CCN1: variants seen among roughly 807,000 people sequenced by gnomAD.
CCN1 encodes the protein cellular communication network factor 1.
CCN1 carries 12 observed loss-of-function variants against 38.1 expected under a neutral mutation model. The ratio of observed to expected loss-of-function variants is 0.31; its 90% confidence interval spans 0.20 to 0.51. The LOEUF (loss-of-function observed/expected upper bound fraction) is 0.51, where lower values mean the gene tolerates loss of function less well. Ranked by LOEUF, CCN1 falls within the 20% of genes least tolerant of loss-of-function variation. The pLI is 0.97. For missense variants in CCN1, 466 were observed against 490.9 expected (o/e 0.95, Z 0.48); for synonymous variants, 202 against 196.1 (o/e 1.03, Z -0.25).
chr1:85,581,874 T>C, intron 2 of CCN1, 54 bp from the exon 3 acceptor site: 1 of 1,546,438 alleles, frequency 6.5e-7, no homozygotes. Context: ...CAGGCGGTGG[T>C]TTGGAATCTT....
chr1:85,582,177 A>G lies in CCN1; in HGVS notation c.527A>G (p.Asp176Gly). 6.2e-7 allele frequency: 1 copy of G among 1,614,118 alleles called. No homozygotes were observed. Residue 176 changes from aspartate (D) to glycine (G), a missense_variant, in exon 3 of 5, where the codon GAC becomes GGC. Transcript: ENST00000451137. Reference sequence around the variant, plus strand: ...ATCAAGGACCCCATGGAGGACCAGGACGGCCTCCTTGGCAAGGAGCTGGGA... The same window carrying G: ...ATCAAGGACCCCATGGAGGACCAGGGCGGCCTCCTTGGCAAGGAGCTGGGA... ...DSIKDPMEDQ[D>G]GLLGKELGFD...
chr1:85,581,655 A>G, intron 2 of CCN1, 77 bp downstream of exon 2: 1 of 1,484,664 alleles, frequency 6.7e-7, no homozygotes, highest in Non-Finnish European at 9.2e-7. Flanking sequence ...TTCTGAGACC[A>G]TGTATGGTGA....
At position 85,580,961 on chromosome 1, in the gene CCN1, C is replaced by T. The variant is rs768256947; in HGVS notation, c.-24C>T. 1.9e-6 allele frequency: 3 copies of T among 1,575,728 alleles called. No individual in the cohort carries two copies. Among genetic ancestry groups the T allele is most frequent in the East Asian group, 2.4e-5 (1 of 41,406 alleles). On this transcript the variant is annotated 5_prime_UTR_variant, in exon 1 of 5. Coordinates refer to ENST00000451137, the MANE Select transcript of CCN1 (RefSeq NM_001554.5). ...TTGGCGTCTTCGTCGCCGCGCTCGC[C>T]CCGGGCTACTCCTGCGCGCCACAAT...
Position 85,580,910 on chromosome 1 carries a change from C to A in CCN1, c.-75C>A. The A allele has an allele frequency of 7.2e-7, 1 of 1,387,492 alleles. No individual in the cohort carries two copies. The highest frequency in any genetic ancestry group is 9.4e-7 in the Non-Finnish European group (1 of 1,061,348). The allele number at this position is 1,387,492 out of a possible 1,614,324, so 85.9% of individuals were successfully genotyped here. On this transcript the variant is annotated 5_prime_UTR_variant, in exon 1 of 5. Transcript: ENST00000451137. Reference sequence around the variant, plus strand: ...GCCGCCACCCCGACCCCGCTGCGCACGGCCTGTCCGCTGCACACCAGCTTG... The same window carrying A: ...GCCGCCACCCCGACCCCGCTGCGCAAGGCCTGTCCGCTGCACACCAGCTTG...
At position 85,581,400 on chromosome 1, in the gene CCN1, C is replaced by T; in HGVS notation, c.99C>T (p.Pro33=). ...LSTCPAACHC[P]LEAPKCAPGV... is the part of the protein sequence containing the mutation. ...CCTGCCCCGCTGCCTGCCACTGCCC[C>T]CTGGAGGCGCCCAAGTGCGCGCCGG... The change falls in exon 2 of 5, where the codon CCC becomes CCT. Residue 33 remains proline (P), a synonymous_variant. Transcript: ENST00000451137. The T allele has an allele frequency of 6.2e-7, 1 of 1,604,082 alleles. No individual in the cohort carries two copies. Among genetic ancestry groups the T allele is most frequent in the South Asian group, 1.1e-5 (1 of 89,746 alleles).
chr1:85,581,738 G>A, intron 2 of CCN1, 160 bp downstream of exon 2: 1 of 1,136,056 alleles, frequency 8.8e-7, no homozygotes, highest in Non-Finnish European at 1.3e-6. Context: ...GTGTGTCTGG[G>A]CCCAACGAAA....
chr1:85,581,144 C>T (rs1019834530), intron 1 of CCN1, 97 bp downstream of exon 1: 14 of 1,423,868 alleles, frequency 9.8e-6, no homozygotes, highest in Non-Finnish European at 1.3e-5. Flanking sequence ...TTAAAAAGTT[C>T]GCGATCGTTT....
rs1182686316 is a variant in CCN1, at chr1:85,583,846, T to C, written c.*804T>C. 6.6e-6 allele frequency: 1 copy of C among 152,236 alleles called. No homozygotes were observed. The highest frequency in any genetic ancestry group is 2.4e-5 in the African/African-American group (1 of 41,454). The allele number at this position is 152,236 out of a possible 1,614,324, so 9.4% of individuals were successfully genotyped here. On this transcript the variant is annotated 3_prime_UTR_variant, in exon 5 of 5. Coordinates refer to ENST00000451137, the MANE Select transcript of CCN1 (RefSeq NM_001554.5). ...GCTATTAAAATAAGATAATGATTGC[T>C]TTTATACCTTCAGTAGAGAAAAGTC...
Position 85,582,075 on chromosome 1 carries a change from A to G in CCN1, c.425A>G (p.Asn142Ser). ...TGTCCCCAAGAACTATCTCTCCCCA[A>G]CTTGGGCTGTCCCAACCCTCGGCTG... ...PLCPQELSLP[N>S]LGCPNPRLVK... Residue 142 changes from asparagine to serine, a missense_variant, in exon 3 of 5, where the codon AAC becomes AGC. Physicochemically the swap from Asn to Ser is conservative, Grantham distance 46. Around this residue, in one of 3 missense-constraint regions of CCN1, gnomAD observed 309 missense variants for 319.9 expected, o/e 0.97. Transcript: ENST00000451137. 1 of 1,614,050 alleles carries G rather than the reference A, an allele frequency of 6.2e-7. No homozygotes were observed. The highest frequency in any genetic ancestry group is 8.5e-7 in the Non-Finnish European group (1 of 1,179,994).
chr1:85,583,686 A>T lies in CCN1; in HGVS notation c.*644A>T, dbSNP rs187966329. 1 of 152,950 alleles carries T rather than the reference A, an allele frequency of 6.5e-6. No homozygotes were observed. The highest frequency in any genetic ancestry group is 1.5e-5 in the Non-Finnish European group (1 of 68,180). The allele number at this position is 152,950 out of a possible 1,614,324, so 9.5% of individuals were successfully genotyped here. A position where few individuals can be genotyped will look rare whatever the true frequency, so the allele number is the denominator to read the frequency against. On this transcript the variant is annotated 3_prime_UTR_variant, in exon 5 of 5. Coordinates refer to ENST00000451137, the MANE Select transcript of CCN1 (RefSeq NM_001554.5). ...TTTTATTTATGGAATTAACCATTTA[A>T]TAAAGAAATATTTACCTAATATCTG...
In CCN1 at chr1:85,580,807, C is replaced by A. The variant is rs1659754655; in HGVS notation, c.-178C>A. ...CCGAGCAGCGCCCGCGCCCTCCGCGCCTTCTCCGCCGGGACCTCGAGCGAA... is the reference window on the plus strand; with the variant it reads ...CCGAGCAGCGCCCGCGCCCTCCGCGACTTCTCCGCCGGGACCTCGAGCGAA... On this transcript the variant is annotated 5_prime_UTR_variant, in exon 1 of 5. Transcript: ENST00000451137. 2 of 474,172 alleles carry A rather than the reference C, an allele frequency of 4.2e-6. No individual in the cohort carries two copies. The highest frequency in any genetic ancestry group is 2.0e-5 in the African/African-American group (1 of 49,062). The allele number at this position is 474,172 out of a possible 1,614,324, so 29.4% of individuals were successfully genotyped here.
In CCN1 at chr1:85,581,452, G is replaced by A. The variant is rs780766451; in HGVS notation, c.151G>A (p.Gly51Ser). Residue 51 changes from glycine to serine, a missense_variant, in exon 2 of 5, where the codon GGC (glycine) becomes AGC (serine). This residue lies in a region of CCN1 where 146 missense variants were observed against 141.1 expected (regional missense o/e 1.03). Coordinates refer to ENST00000451137, the MANE Select transcript of CCN1 (RefSeq NM_001554.5). ...PGVGLVRDGC[G>S]CCKVCAKQLN... ...AGTCGGGCTGGTCCGGGACGGCTGC[G>A]GCTGCTGTAAGGTCTGCGCCAAGCA... The A allele has an allele frequency of 6.8e-6, 11 of 1,611,118 alleles. No homozygotes were observed. The highest frequency in any genetic ancestry group is 2.2e-5 in the East Asian group (1 of 44,788).
intron 2 of CCN1, 143 bp downstream of exon 2, chr1:85,581,721 C>A (rs994150900): frequency 2.6e-6 from 3 of 1,173,860 alleles, no homozygotes; most frequent in Non-Finnish European, 3.7e-6. Flanking sequence ...GTCTGGAATG[C>A]AATTCAGTGT....
At position 85,581,587 on chromosome 1, in the gene CCN1, C is replaced by G. The variant is rs377546318; in HGVS notation, c.277+9C>G. On this transcript the variant is annotated intron_variant, in intron 2 of 4. Coordinates refer to ENST00000451137, the MANE Select transcript of CCN1 (RefSeq NM_001554.5). ...GAAGGGGATCTGCAGAGGTAAGATG[C>G]TTGTGGTTTGGCCCCTTTAAAAAAA... The G allele has an allele frequency of 6.2e-7, 1 of 1,611,958 alleles. No homozygotes were observed. Among genetic ancestry groups the G allele is most frequent in the Non-Finnish European group, 8.5e-7 (1 of 1,178,464 alleles).
chr1:85,582,579 T>G lies in CCN1; in HGVS notation c.798T>G (p.Ile266Met). ...GCCGCCTTGTGAAAGAAACCCGGAT[T>G]TGTGAGGTGCGGCCTTGTGGACAGC... is the stretch of plus-strand genomic sequence containing the variant. Reference protein sequence around the residue: ...PECRLVKETRICEVRPCGQPV... With the variant: ...PECRLVKETRMCEVRPCGQPV... Residue 266 changes from isoleucine to methionine, a missense_variant, in exon 4 of 5, where the codon ATT (isoleucine) becomes ATG (methionine). Ile to Met is a conservative substitution (Grantham distance 10). Around this residue, in one of 3 missense-constraint regions of CCN1, gnomAD observed 309 missense variants for 319.9 expected, o/e 0.97. Transcript: ENST00000451137. The G allele has an allele frequency of 6.2e-7, 1 of 1,614,092 alleles. No homozygotes were observed. Among genetic ancestry groups the G allele is most frequent in the South Asian group, 1.1e-5 (1 of 91,066 alleles).
rs747560642 is a variant in CCN1, at chr1:85,582,557, G to A, written c.776G>A (p.Arg259His). 13 of 1,613,990 alleles carry A rather than the reference G, an allele frequency of 8.1e-6. No homozygotes were observed. Among genetic ancestry groups the A allele is most frequent in the Admixed American group, 1.7e-5 (1 of 59,994 alleles). ...GTTACCAATGACAACCCTGAGTGCCGCCTTGTGAAAGAAACCCGGATTTGT... is the reference window on the plus strand; with the variant it reads ...GTTACCAATGACAACCCTGAGTGCCACCTTGTGAAAGAAACCCGGATTTGT... ...TRVTNDNPEC[R>H]LVKETRICEV... Residue 259 changes from arginine (R) to histidine (H), a missense_variant, in exon 4 of 5, where the codon CGC becomes CAC. Arg to His is a conservative substitution (Grantham distance 29). Transcript: ENST00000451137.
At position 85,581,410 on chromosome 1, in the gene CCN1, C is replaced by T. The variant is rs764337279; in HGVS notation, c.109C>T (p.Pro37Ser). The change falls in exon 2 of 5, where the codon CCC (proline) becomes TCC (serine). Residue 37 changes from proline to serine, a missense_variant. By Grantham distance (74) the Pro-to-Ser change is moderately conservative. Around this residue, in one of 3 missense-constraint regions of CCN1, gnomAD observed 146 missense variants for 141.1 expected, o/e 1.03. Transcript: ENST00000451137. ...PAACHCPLEA[P>S]KCAPGVGLVR... ...TGCCTGCCACTGCCCCCTGGAGGCG[C>T]CCAAGTGCGCGCCGGGAGTCGGGCT... 2 of 1,606,258 alleles carry T rather than the reference C, an allele frequency of 1.2e-6. No homozygotes were observed. The highest frequency in any genetic ancestry group is 2.2e-5 in the South Asian group (2 of 89,970).
intron 2 of CCN1, 140 bp downstream of exon 2, chr1:85,581,718 A>G (rs1425112111): frequency 2.5e-6 from 3 of 1,206,252 alleles, no homozygotes; most frequent in Non-Finnish European, 3.6e-6. Flanking sequence ...GCAGTCTGGA[A>G]TGCAATTCAG....
Position 85,580,998 on chromosome 1 carries a change from T to C in CCN1, c.14T>C (p.Ile5Thr). Residue 5 changes from isoleucine to threonine, a missense_variant, in exon 1 of 5, where the codon ATC (isoleucine) becomes ACC (threonine). This residue lies in a region of CCN1 where 146 missense variants were observed against 141.1 expected (regional missense o/e 1.03). Transcript: ENST00000451137. ...CTGCGCGCCACAATGAGCTCCCGCA[T>C]CGCCAGGGCGCTCGCCTTAGTCGTC... MSSR[I>T]ARALALVVTL... is the part of the protein sequence containing the mutation. The C allele has an allele frequency of 6.2e-7, 1 of 1,606,522 alleles. No individual in the cohort carries two copies.
Sources: allele counts gnomAD v4.1 joint callset, GRCh38; gene constraint gnomAD v4.1.1; regional missense constraint gnomAD v4.1.1; transcripts MANE v1.5; gene names NCBI Gene and HGNC (gene_info 2026-07-23, HGNC 2026-07-21).